AR: variants seen among roughly 807,000 people sequenced by gnomAD.
The protein encoded by AR is dihydrotestosterone receptor.
AR carries 8 observed loss-of-function variants against 53.9 expected under a neutral mutation model. That is an observed-to-expected ratio of 0.15 (90% CI 0.09 to 0.27). The LOEUF (loss-of-function observed/expected upper bound fraction) is 0.27, where lower values mean the gene tolerates loss of function less well. Ranked by LOEUF, AR falls within the 10% of genes least tolerant of loss-of-function variation. The pLI, the probability that AR is intolerant of heterozygous loss-of-function variation, is 1.00. For synonymous variants in AR, 359 were observed against 316.4 expected, an observed-to-expected ratio of 1.13 and a Z score of -1.43; for missense variants, 639 against 742.5, an observed-to-expected ratio of 0.86 and a Z score of 1.62.
rs1311691260 is a variant in AR at position 67,728,315 on chromosome X, T to G, written c.*4474T>G. The G allele has an allele frequency of 6.1e-6, 1 of 164,575 alleles. No individual in the cohort carries two copies. Among genetic ancestry groups the G allele is most frequent in the Non-Finnish European group, 1.2e-5 (1 of 85,369 alleles). 13.6% of individuals were successfully genotyped at this position (164,575 alleles called of 1,213,427 possible). A position where few individuals can be genotyped will look rare whatever the true frequency, so the allele number is the denominator to read the frequency against. ...CTCTAGTAGTTGCTGAGCAAATTGT[T>G]GAAGCTCCATCATTGCATGGTTGGA... is the stretch of plus-strand genomic sequence containing the variant. On this transcript the variant is annotated 3_prime_UTR_variant, in exon 8 of 8. Coordinates refer to ENST00000374690, the MANE Select transcript of AR (RefSeq NM_000044.6).
chrX:67,588,558 T>G (rs946835522), intron 1 of AR, among the ~76,000 whole-genome samples: 2 of 111,776 alleles, frequency 1.8e-5, no homozygotes, highest in African/African-American at 6.5e-5. Context: ...CCAGGTACCC[T>G]TTATGAAAGT....
chrX:67,696,661 C>T (rs756282643), intron 3 of AR, among the ~76,000 whole-genome samples: 1 of 111,368 alleles, frequency 9.0e-6, no homozygotes, highest in African/African-American at 3.3e-5. Flanking sequence ...AATCAAGGAG[C>T]CTTCTTGCCT....
At chrX:67,609,465 T>C (rs1923777702) in intron 1 of AR, among the ~76,000 whole-genome samples, 1 of 111,746 alleles carries the variant, frequency 8.9e-6, no homozygotes, top group Admixed American at 9.6e-5. Context: ...TATGCTTGAT[T>C]GACTTTGCAT....
At chrX:67,619,183 G>A (rs1924254150) in intron 1 of AR, among the ~76,000 whole-genome samples, 1 of 111,387 alleles carries the variant, frequency 9.0e-6, no homozygotes, top group Middle Eastern at 4.2e-3. Context: ...AGCTGCTATG[G>A]AGAGGAGCCA....
chrX:67,685,923 A>C (rs1602255288), intron 2 of AR, 87 bp from the exon 3 acceptor site: 6 of 1,178,105 alleles, frequency 5.1e-6, no homozygotes, highest in Non-Finnish European at 6.9e-6. Context: ...ATATAATTTC[A>C]TATCTTTTCT....
At chrX:67,678,163 T>TCGCTAAGGCAAACCACAA (rs1269951617) in intron 2 of AR, among the ~76,000 whole-genome samples, 1 of 111,236 alleles carries the variant, frequency 9.0e-6, no homozygotes, top group Non-Finnish European at 1.9e-5. Context: ...CTACAGAGTT[T>TCGCTAAGGCAAACCACAA]CGCTAAGGCA....
At chrX:67,567,296 A>T (rs1457119619) in intron 1 of AR, among the ~76,000 whole-genome samples, 2 of 111,579 alleles carry the variant, frequency 1.8e-5, no homozygotes, top group Admixed American at 9.5e-5. Flanking sequence ...TTCAGGAAAA[A>T]TGAGTTTGGG....
intron 1 of AR, among the ~76,000 whole-genome samples, chrX:67,605,886 A>G (rs1361389092): frequency 8.9e-6 from 1 of 112,096 alleles, no homozygotes; most frequent in Non-Finnish European, 1.9e-5. Flanking sequence ...GTAACATAAT[A>G]GACAGATCAT....
intron 1 of AR, among the ~76,000 whole-genome samples, chrX:67,550,656 TAA>T (rs757091151): frequency 1.2e-4 from 11 of 91,078 alleles, no homozygotes; most frequent in African/African-American, 4.1e-4. Context: ...CTCTGAAAAA[TAA>T]AAAAAAAAAA....
At chrX:67,699,355 C>G (rs1445178278) in intron 3 of AR, among the ~76,000 whole-genome samples, 1 of 111,872 alleles carries the variant, frequency 8.9e-6, no homozygotes, top group Non-Finnish European at 1.9e-5. Flanking sequence ...ACTAAGGCTC[C>G]CTCTTCCTTT....
intron 3 of AR, chrX:67,689,737 C>T (rs2075985695): frequency 1.2e-6 from 1 of 829,279 alleles, no homozygotes. Flanking sequence ...GAATTTAAAT[C>T]CCTTGACTAC....
At chrX:67,552,142 A>G (rs1251030193) in intron 1 of AR, among the ~76,000 whole-genome samples, 1 of 111,808 alleles carries the variant, frequency 8.9e-6, no homozygotes, top group African/African-American at 3.3e-5. Context: ...GAACATTTTA[A>G]TCACCCCCAA....
At chrX:67,682,250 TC>T (rs1245434676) in intron 2 of AR, among the ~76,000 whole-genome samples, 4 of 111,393 alleles carry the variant, frequency 3.6e-5, no homozygotes, top group African/African-American at 1.3e-4. Context: ...TATATAATAA[TC>T]CCTGTTATAC....
rs371910541 is a variant in AR at position 67,563,478 on chromosome X, A to G, written c.1616+16716A>G. ...GGGCCTGGTGCATAGTACAAGCTTC[A>G]TAAATTGTACCTATTATTATTAGTA... On this transcript the variant is annotated intron_variant, in intron 1 of 7. Transcript: ENST00000374690. Among the ~76,000 whole-genome samples, 15 of 111,811 alleles carry G rather than the reference A, an allele frequency of 1.3e-4. No homozygotes were observed. In the East Asian group the frequency reaches 3.7e-3, roughly 27 times the overall value.
At chrX:67,595,882 A>G (rs1923056483) in intron 1 of AR, among the ~76,000 whole-genome samples, 1 of 111,606 alleles carries the variant, frequency 9.0e-6, no homozygotes, top group African/African-American at 3.3e-5. Flanking sequence ...TGAAATCACA[A>G]TGAGGGTCGC....
Position 67,550,977 on chromosome X carries a change from G to C in AR, c.1616+4215G>C, listed in dbSNP as rs149888493. Among the ~76,000 whole-genome samples, 968 of 104,657 alleles carry C rather than the reference G, an allele frequency of 9.2e-3. 4 individuals are homozygous for C. Among genetic ancestry groups the C allele is most frequent in the Non-Finnish European group, 0.016 (814 of 51,974 alleles). 90.9% of individuals were successfully genotyped at this position (104,657 alleles called of 115,157 possible). The stretch of plus-strand genomic sequence containing the variant: ...TCTCCCTTAAGACTAGATGACATGA[G>C]GGGATTGCAAAATGAATAGCTGGGT... On this transcript the variant is annotated intron_variant, in intron 1 of 7. Transcript: ENST00000374690.
chrX:67,708,472 G>C (rs759917512), intron 3 of AR, among the ~76,000 whole-genome samples: 2 of 111,477 alleles, frequency 1.8e-5, no homozygotes, highest in Non-Finnish European at 3.8e-5. Flanking sequence ...TATAGTTCTC[G>C]TGCCATGGTT....
chrX:67,668,476 G>A (rs1304675477), intron 2 of AR, among the ~76,000 whole-genome samples: 1 of 110,964 alleles, frequency 9.0e-6, no homozygotes, highest in Admixed American at 9.6e-5. Context: ...GTATTTTGTT[G>A]GGGATTTTTG....
chrX:67,671,862 C>T (rs1446382749), intron 2 of AR, among the ~76,000 whole-genome samples: 3 of 111,733 alleles, frequency 2.7e-5, no homozygotes, highest in African/African-American at 6.5e-5. Context: ...GGAATCCTTT[C>T]CCCATTGTTT....
Sources: gnomAD v4.1 joint callset for allele counts (sites outside exome capture counted in the v4.1 genomes callset) on GRCh38, gnomAD v4.1.1 for gene constraint, MANE v1.5 for transcripts, NCBI Gene and HGNC (gene_info 2026-07-23, HGNC 2026-07-21) for gene names.